The following GPHN variants were observed in gnomAD, a reference collection of about 807,000 sequenced individuals.
GPHN encodes gephyrin.
GPHN carries 17 observed loss-of-function variants against 95.5 expected under a neutral mutation model. The observed-to-expected ratio is 0.18, with a 90% CI of 0.12 to 0.27. GPHN has a LOEUF of 0.27. Among genes scored for constraint, GPHN ranks in the 10% least tolerant of loss-of-function variants. The pLI is 1.00. For missense variants in GPHN, 660 were observed against 978.1 expected, an observed-to-expected ratio of 0.67 and a Z score of 4.34; for synonymous variants, 320 against 322.5, an observed-to-expected ratio of 0.99 and a Z score of 0.08.
the GPHN span, among the ~76,000 whole-genome samples, chr14:67,531,960 C>G: frequency 6.7e-6 from 1 of 148,176 alleles, no homozygotes; most frequent in Non-Finnish European, 1.5e-5. Flanking sequence ...GTCTTCTTAG[C>G]AAAATCCAGA....
chr14:66,984,984 G>C (rs1050578154), intron 9 of GPHN, among the ~76,000 whole-genome samples: 2 of 151,930 alleles, frequency 1.3e-5, no homozygotes, highest in African/African-American at 2.4e-5. Context: ...TGTGAAATGA[G>C]TTATTTTAAA....
chr14:66,897,045 A>T (rs2064889486), intron 5 of GPHN, among the ~76,000 whole-genome samples: 2 of 152,168 alleles, frequency 1.3e-5, no homozygotes, highest in African/African-American at 4.8e-5. Context: ...TTTCAAAAAA[A>T]TTTTATTAAA....
the GPHN span, among the ~76,000 whole-genome samples, chr14:67,309,001 A>G: frequency 6.6e-6 from 1 of 152,060 alleles, no homozygotes; most frequent in Admixed American, 6.6e-5. Context: ...CAGCTTATAG[A>G]TATTAAAAAA....
At chr14:66,638,259 C>A (rs1438513842) in intron 1 of GPHN, among the ~76,000 whole-genome samples, 3 of 152,026 alleles carry the variant, frequency 2.0e-5, no homozygotes. Context: ...CATAGTGGAA[C>A]CCTATCTCTA....
the GPHN span, chr14:67,695,621 T>C: frequency 6.2e-7 from 1 of 1,612,654 alleles, no homozygotes; most frequent in Admixed American, 1.7e-5. Context: ...GCAATACATT[T>C]GCACAGACCT....
intron 9 of GPHN, among the ~76,000 whole-genome samples, chr14:66,979,832 A>G (rs549948168): frequency 2.0e-5 from 3 of 152,324 alleles, no homozygotes; most frequent in Non-Finnish European, 4.4e-5. Context: ...AAAGTGGTAG[A>G]CATGCAACTA....
intron 1 of GPHN, among the ~76,000 whole-genome samples, chr14:66,512,522 T>G (rs375611087): frequency 1.2e-3 from 181 of 151,930 alleles, no homozygotes; most frequent in African/African-American, 4.0e-3. Context: ...GGTACAAATT[T>G]TTGGGAAAGG....
the GPHN span, among the ~76,000 whole-genome samples, chr14:67,358,423 C>G: frequency 6.6e-6 from 1 of 152,204 alleles, no homozygotes; most frequent in Non-Finnish European, 1.5e-5. Flanking sequence ...TAAGCATCCT[C>G]AGATTCTCTC....
intron 4 of GPHN, among the ~76,000 whole-genome samples, chr14:66,847,807 A>G (rs1211030422): frequency 6.6e-6 from 1 of 152,002 alleles, no homozygotes; most frequent in Non-Finnish European, 1.5e-5. Flanking sequence ...AGATAATAAC[A>G]GTAGCAGGCA....
chr14:66,520,493 C>CTT (rs1340736442), intron 1 of GPHN, among the ~76,000 whole-genome samples: 1 of 152,042 alleles, frequency 6.6e-6, no homozygotes, highest in African/African-American at 2.4e-5. Flanking sequence ...GAGGAGCTGA[C>CTT]TTAAGGGACT....
At chr14:67,158,992 G>T (rs773190720) in intron 18 of GPHN, among the ~76,000 whole-genome samples, 1 of 152,130 alleles carries the variant, frequency 6.6e-6, no homozygotes, top group Non-Finnish European at 1.5e-5. Flanking sequence ...TCTTGCCCGG[G>T]TACAACTTAA....
At chr14:67,333,073 A>G in the GPHN span, 1 of 880,708 alleles carries the variant, frequency 1.1e-6, no homozygotes, top group South Asian at 1.8e-5. Flanking sequence ...TATAAGCTGT[A>G]GATCTGTTCT....
chr14:67,409,582 C>A, the GPHN span, among the ~76,000 whole-genome samples: 1 of 152,108 alleles, frequency 6.6e-6, no homozygotes, highest in African/African-American at 2.4e-5. Context: ...CACGGCTCAT[C>A]CCCCACTTCC....
At chr14:67,441,947 C>T in the GPHN span, 1 of 153,922 alleles carries the variant, frequency 6.5e-6, no homozygotes, top group Non-Finnish European at 1.5e-5. Context: ...TATCTATCTC[C>T]TTCCTATTGG....
At chr14:66,958,047 C>T (rs760298730) in intron 8 of GPHN, among the ~76,000 whole-genome samples, 4 of 152,086 alleles carry the variant, frequency 2.6e-5, no homozygotes, top group South Asian at 2.1e-4. Context: ...CATTGAGGAC[C>T]GCTGTTCTAT....
chr14:66,539,747 T>A (rs1186830315), intron 1 of GPHN, among the ~76,000 whole-genome samples: 1 of 152,152 alleles, frequency 6.6e-6, no homozygotes, highest in African/African-American at 2.4e-5. Flanking sequence ...CAGTGGAGTC[T>A]TTCTGTCTGG....
the GPHN span, chr14:67,338,827 T>C: frequency 2.1e-6 from 3 of 1,447,158 alleles, no homozygotes; most frequent in Non-Finnish European, 2.8e-6. Context: ...ATTTGATTTC[T>C]TTGAGTTTTG....
chr14:67,551,262 C>T, the GPHN span, among the ~76,000 whole-genome samples: 1 of 152,162 alleles, frequency 6.6e-6, no homozygotes, highest in Non-Finnish European at 1.5e-5. Flanking sequence ...TATTACTAGT[C>T]ATGCTGAGAC....
At chr14:66,682,674 CG>C (rs1280930279) in intron 2 of GPHN, among the ~76,000 whole-genome samples, 2 of 152,050 alleles carry the variant, frequency 1.3e-5, no homozygotes, top group Non-Finnish European at 2.9e-5. Context: ...CTCTCGAACC[CG>C]GGTGGCGGAG....
Sources: allele counts gnomAD v4.1 joint callset (sites outside exome capture counted in the v4.1 genomes callset), GRCh38; gene constraint gnomAD v4.1.1; transcripts MANE v1.5; gene names NCBI Gene and HGNC (gene_info 2026-07-23, HGNC 2026-07-21).